NCAPG2: variants seen among roughly 807,000 people sequenced by gnomAD.
NCAPG2 encodes the protein condensin-2 complex subunit G2.
NCAPG2 carries 53 observed loss-of-function variants against 141.1 expected under a neutral mutation model. The observed-to-expected ratio is 0.38, with a 90% CI of 0.30 to 0.47. The LOEUF is 0.47. Ranked by LOEUF, NCAPG2 falls within the 20% of genes least tolerant of loss-of-function variation. The probability of loss-of-function intolerance (pLI) is 0.99; values close to 1 mark genes in which losing one functional copy is unlikely to be tolerated. For synonymous variants in NCAPG2, 499 were observed against 490.7 expected (o/e 1.02, Z -0.22); for missense variants, 1,087 against 1,389.0 (o/e 0.78, Z 3.46).
chr7:158,656,283 A>G lies in NCAPG2; in HGVS notation c.2365T>C (p.Leu789=), dbSNP rs1587129426. Residue 789 remains leucine (L), a synonymous_variant, in exon 19 of 28, where the codon TTG becomes CTG. Coordinates refer to ENST00000356309, the MANE Select transcript of NCAPG2 (RefSeq NM_017760.7). ...SAPRKKLNHL[L]KALETSKADL... ...ACCTTTGACGTTTCAAGGGCTTTCA[A>G]AAGATGGTTAAGTTTCTTCCGAGGA... 4 of 1,614,150 alleles carry G rather than the reference A, an allele frequency of 2.5e-6. No individual in the cohort carries two copies. Among genetic ancestry groups the G allele is most frequent in the Middle Eastern group, 1.6e-4 (1 of 6,062 alleles).
chr7:158,695,833 C>T (rs1835408829), intron 2 of NCAPG2, among the ~76,000 whole-genome samples: 1 of 152,238 alleles, frequency 6.6e-6, no homozygotes, highest in Non-Finnish European at 1.5e-5. Flanking sequence ...GGCATCCTTC[C>T]ACAACCACCT....
intron 8 of NCAPG2, among the ~76,000 whole-genome samples, chr7:158,684,968 C>T (rs1834667476): frequency 6.6e-6 from 1 of 152,258 alleles, no homozygotes; most frequent in African/African-American, 2.4e-5. Context: ...CCTCTGTCCA[C>T]TCTGCAGGTT....
In NCAPG2 at chr7:158,655,111, T is replaced by G; in HGVS notation, c.2646+7A>C. Reference sequence around the variant, plus strand: ...GAGAAAGTTTTCTGTGTCTTAAGACTTCTAACCTGGATAATTTGCTGATAA... The same window carrying G: ...GAGAAAGTTTTCTGTGTCTTAAGACGTCTAACCTGGATAATTTGCTGATAA... On this transcript the variant is annotated splice_region_variant and intron_variant, in intron 21 of 27. Transcript: ENST00000356309. 1 of 1,606,246 alleles carries G rather than the reference T, an allele frequency of 6.2e-7. No homozygotes were observed.
At position 158,644,333 on chromosome 7, in the gene NCAPG2, T is replaced by G; in HGVS notation, c.3336A>C (p.Leu1112=). 3 of 1,614,090 alleles carry G rather than the reference T, an allele frequency of 1.9e-6. No homozygotes were observed. The highest frequency in any genetic ancestry group is 2.5e-6 in the Non-Finnish European group (3 of 1,179,930). The part of the protein sequence containing the change: ...REVAATVHRK[L]KTFMEITLEE... The stretch of plus-strand genomic sequence containing the variant: ...CCAAAGTAATTTCCATGAATGTCTT[T>G]AGTTTTCTGTGAACAGTGGCTGCAA... The change falls in exon 27 of 28, where the codon CTA becomes CTC. Residue 1112 remains leucine, a synonymous_variant. Coordinates refer to ENST00000356309, the MANE Select transcript of NCAPG2 (RefSeq NM_017760.7).
At position 158,683,372 on chromosome 7, in the gene NCAPG2, A is replaced by C. The variant is rs745892700; in HGVS notation, c.852T>G (p.Asp284Glu). ...SGKILEAIEN[D>E]CIQDFMFHGI... ...CGTGGAACATGAAGTCCTGGATGCA[A>C]TCATTTTCAATCGCCTGAAATAACA... Residue 284 changes from aspartate (D) to glutamate (E), a missense_variant, in exon 9 of 28, where the codon GAT becomes GAG. Physicochemically the swap from Asp to Glu is conservative, Grantham distance 45. Transcript: ENST00000356309. 1 of 1,603,722 alleles carries C rather than the reference A, an allele frequency of 6.2e-7. No individual in the cohort carries two copies. Among genetic ancestry groups the C allele is most frequent in the Admixed American group, 1.7e-5 (1 of 57,920 alleles).
chr7:158,691,875 T>A (rs1461148586), intron 4 of NCAPG2, among the ~76,000 whole-genome samples: 1 of 152,232 alleles, frequency 6.6e-6, no homozygotes, highest in Non-Finnish European at 1.5e-5. Flanking sequence ...GGTAATCACA[T>A]AATCAGGTAT....
At chr7:158,651,060 C>T (rs1831454946) in intron 23 of NCAPG2, 88 bp from the exon 24 acceptor site, 3 of 1,337,950 alleles carry the variant, frequency 2.2e-6, no homozygotes, top group Middle Eastern at 2.7e-4. Flanking sequence ...AGTATTCTTA[C>T]TATCCTCCCC....
chr7:158,672,620 C>A (rs150128163), intron 12 of NCAPG2, among the ~76,000 whole-genome samples: 59 of 152,044 alleles, frequency 3.9e-4, no homozygotes, highest in African/African-American at 1.4e-3. Flanking sequence ...GGACTACAGG[C>A]GTGAGCCATC....
chr7:158,666,702 G>A (rs1362587916), intron 13 of NCAPG2, among the ~76,000 whole-genome samples: 2 of 151,868 alleles, frequency 1.3e-5, no homozygotes, highest in Non-Finnish European at 2.9e-5. Context: ...CAAGGCAGGA[G>A]GATCGCTTGA....
At chr7:158,668,331 C>CCTTACCTA (rs1833408879) in intron 13 of NCAPG2, 1 of 680,722 alleles carries the variant, frequency 1.5e-6, no homozygotes, top group Admixed American at 1.7e-4. Context: ...CCTCCGCCCT[C>CCTTACCTA]CCTTACCCAC....
chr7:158,673,677 G>T (rs1449378126), intron 12 of NCAPG2, among the ~76,000 whole-genome samples: 1 of 152,206 alleles, frequency 6.6e-6, no homozygotes, highest in Non-Finnish European at 1.5e-5. Context: ...CAAAGAAGAC[G>T]CTTGTCTGTA....
intron 24 of NCAPG2, among the ~76,000 whole-genome samples, chr7:158,649,351 A>G (rs1450856792): frequency 6.6e-6 from 1 of 152,250 alleles, no homozygotes; most frequent in Non-Finnish European, 1.5e-5. Context: ...TTTAAATAGT[A>G]TAGTAAATAT....
At chr7:158,678,614 C>T (rs1834248871) in intron 11 of NCAPG2, among the ~76,000 whole-genome samples, 1 of 150,820 alleles carries the variant, frequency 6.6e-6, no homozygotes, top group South Asian at 2.1e-4. Context: ...AAGCGATCCT[C>T]CCATTTGAGG....
chr7:158,658,162 A>G (rs1436691932), intron 17 of NCAPG2, among the ~76,000 whole-genome samples, 176 bp downstream of exon 17: 1 of 151,894 alleles, frequency 6.6e-6, no homozygotes, highest in Non-Finnish European at 1.5e-5. Context: ...AAAAAAAAAA[A>G]AAAAGAAAAT....
chr7:158,703,230 G>C (rs1376084367), intron 1 of NCAPG2, among the ~76,000 whole-genome samples: 1 of 152,184 alleles, frequency 6.6e-6, no homozygotes. Context: ...AAGAAAATGG[G>C]GAGGGAAGGG....
At position 158,695,848 on chromosome 7, in the gene NCAPG2, C is replaced by T. The variant is rs75097685; in HGVS notation, c.79-2351G>A. Among the ~76,000 whole-genome samples, 15 of 152,362 alleles carry T rather than the reference C, an allele frequency of 9.8e-5. No homozygotes were observed. In the East Asian group the frequency reaches 2.9e-3, roughly 29 times the overall value. On this transcript the variant is annotated intron_variant, in intron 2 of 27. Transcript: ENST00000356309. ...GGCATCCTTCCACAACCACCTCCAG[C>T]CCCCGGATGCAGAAGCTGTGCAGCC...
chr7:158,635,690 C>A (rs1164831027), intron 27 of NCAPG2, among the ~76,000 whole-genome samples: 2 of 146,012 alleles, frequency 1.4e-5, no homozygotes, highest in African/African-American at 2.6e-5. Context: ...AATTAAAATG[C>A]AATGAGATGC....
At chr7:158,649,584 A>G (rs1319490964) in intron 24 of NCAPG2, among the ~76,000 whole-genome samples, 1 of 152,220 alleles carries the variant, frequency 6.6e-6, no homozygotes, top group Non-Finnish European at 1.5e-5. Flanking sequence ...TTTTTATTCT[A>G]TTGTGTAATC....
intron 13 of NCAPG2, chr7:158,665,509 C>A (rs1275981474): frequency 6.6e-6 from 1 of 152,214 alleles, no homozygotes; most frequent in Non-Finnish European, 1.5e-5. Flanking sequence ...GTGAGCGAAA[C>A]CCTCGACCTT....
Sources: gnomAD v4.1 joint callset for allele counts (sites outside exome capture counted in the v4.1 genomes callset) on GRCh38, gnomAD v4.1.1 for gene constraint, MANE v1.5 for transcripts, NCBI Gene and HGNC (gene_info 2026-07-23, HGNC 2026-07-21) for gene names.